The following MARK1 variants were observed in gnomAD, a reference collection of about 807,000 sequenced individuals.
The protein encoded by MARK1 is microtubule affinity regulating kinase 1.
In MARK1, 40 loss-of-function variants were observed where a neutral mutation model predicts 96.3. The ratio of observed to expected loss-of-function variants is 0.42; its 90% CI spans 0.32 to 0.54. MARK1 has a LOEUF of 0.54. MARK1 is among the 20% of genes least tolerant of loss of function. The probability of loss-of-function intolerance (pLI) is 0.16; values close to 1 mark genes in which losing one functional copy is unlikely to be tolerated. For synonymous variants in MARK1, 317 were observed against 341.2 expected (o/e 0.93, Z 0.78); for missense variants, 719 against 984.6 (o/e 0.73, Z 3.61).
chr1:220,643,989 A>G (rs1668434760), intron 13 of MARK1, among the ~76,000 whole-genome samples: 1 of 152,172 alleles, frequency 6.6e-6, no homozygotes, highest in African/African-American at 2.4e-5. Flanking sequence ...GACCGATGAC[A>G]CTATGAAGCA....
chr1:220,557,392 C>A (rs1338130265), intron 1 of MARK1, among the ~76,000 whole-genome samples: 1 of 151,920 alleles, frequency 6.6e-6, no homozygotes, highest in South Asian at 2.1e-4. Flanking sequence ...CATGGTGAAA[C>A]CCTGTCTCTG....
At chr1:220,649,464 A>G (rs2103048608) in intron 13 of MARK1, among the ~76,000 whole-genome samples, 1 of 152,196 alleles carries the variant, frequency 6.6e-6, no homozygotes, top group Admixed American at 6.5e-5. Flanking sequence ...CCTAGCCTCA[A>G]ATGATCTGCC....
intron 17 of MARK1, among the ~76,000 whole-genome samples, chr1:220,659,691 G>A (rs1486365489): frequency 6.6e-6 from 1 of 152,102 alleles, no homozygotes; most frequent in East Asian, 1.9e-4. Context: ...TTGTCTTAAG[G>A]TCATCTTAAG....
chr1:220,658,859 G>A (rs551165874), intron 17 of MARK1, among the ~76,000 whole-genome samples: 3 of 152,306 alleles, frequency 2.0e-5, no homozygotes, highest in African/African-American at 7.2e-5. Context: ...AGTCACCACA[G>A]TAGGGAGCCA....
chr1:220,582,934 A>G (rs891378362), intron 3 of MARK1, among the ~76,000 whole-genome samples: 3 of 152,184 alleles, frequency 2.0e-5, no homozygotes, highest in Non-Finnish European at 2.9e-5. Context: ...TTTTTGAGTG[A>G]TTTACATGTA....
At chr1:220,660,478 C>T (rs1270213333) in intron 17 of MARK1, among the ~76,000 whole-genome samples, 1 of 151,862 alleles carries the variant, frequency 6.6e-6, no homozygotes, top group African/African-American at 2.4e-5. Context: ...ACTATTGATA[C>T]AAAATGTATA....
At chr1:220,645,855 C>T (rs1308229006) in intron 13 of MARK1, among the ~76,000 whole-genome samples, 1 of 152,112 alleles carries the variant, frequency 6.6e-6, no homozygotes, top group Non-Finnish European at 1.5e-5. Context: ...AATTCAACAT[C>T]CCTTCATGTT....
chr1:220,565,157 C>A (rs1455190818), intron 1 of MARK1, among the ~76,000 whole-genome samples: 2 of 152,132 alleles, frequency 1.3e-5, no homozygotes, highest in Non-Finnish European at 2.9e-5. Context: ...GAAAAATGAG[C>A]AGAGCTTTAG....
chr1:220,623,993 T>C (rs534460874), intron 9 of MARK1, among the ~76,000 whole-genome samples: 1 of 152,312 alleles, frequency 6.6e-6, no homozygotes, highest in African/African-American at 2.4e-5. Flanking sequence ...AACACAACTT[T>C]AAATAGTTAA....
chr1:220,560,379 C>T (rs1398573115), intron 1 of MARK1, among the ~76,000 whole-genome samples: 1 of 152,158 alleles, frequency 6.6e-6, no homozygotes, highest in Non-Finnish European at 1.5e-5. Flanking sequence ...TAGATTTGTT[C>T]TTCCCATGGA....
At chr1:220,549,160 C>G (rs1392833774) in intron 1 of MARK1, among the ~76,000 whole-genome samples, 1 of 152,172 alleles carries the variant, frequency 6.6e-6, no homozygotes, top group Non-Finnish European at 1.5e-5. Flanking sequence ...TGGTTAAGAG[C>G]ACAAGCTTTG....
intron 9 of MARK1, among the ~76,000 whole-genome samples, chr1:220,620,754 T>C (rs1451185078): frequency 1.3e-5 from 2 of 152,124 alleles, no homozygotes; most frequent in Admixed American, 6.5e-5. Flanking sequence ...AGTCTGCAAC[T>C]TTCTGTTCCA....
chr1:220,586,017 G>GCGCGCGCC (rs1399851903), intron 3 of MARK1, among the ~76,000 whole-genome samples: 1 of 116,218 alleles, frequency 8.6e-6, no homozygotes, highest in African/African-American at 2.8e-5. Context: ...ACACACGCGC[G>GCGCGCGCC]CGTGCGCAGA....
At chr1:220,591,116 T>C (rs1259263537) in intron 3 of MARK1, among the ~76,000 whole-genome samples, 1 of 152,164 alleles carries the variant, frequency 6.6e-6, no homozygotes, top group Non-Finnish European at 1.5e-5. Flanking sequence ...GTCTGTTCTT[T>C]GTAGAACGGA....
chr1:220,631,905 G>A (rs1667700614), intron 10 of MARK1, among the ~76,000 whole-genome samples: 1 of 152,138 alleles, frequency 6.6e-6, no homozygotes. Flanking sequence ...AGACTGACAT[G>A]GTCTTAGACT....
chr1:220,613,401 G>A (rs1460657799), intron 6 of MARK1, among the ~76,000 whole-genome samples: 1 of 152,178 alleles, frequency 6.6e-6, no homozygotes, highest in Non-Finnish European at 1.5e-5. Flanking sequence ...TGAGGCTCAG[G>A]AAATGTTTGA....
At chr1:220,617,192 G>A (rs1177022091) in intron 7 of MARK1, among the ~76,000 whole-genome samples, 1 of 152,074 alleles carries the variant, frequency 6.6e-6, no homozygotes, top group Non-Finnish European at 1.5e-5. Flanking sequence ...CCAAATATAT[G>A]TGCTTTTATA....
chr1:220,659,768 T>G (rs574061107), intron 17 of MARK1, among the ~76,000 whole-genome samples: 9 of 152,276 alleles, frequency 5.9e-5, no homozygotes, highest in African/African-American at 2.2e-4. Context: ...TTCAACTCAT[T>G]AGCTCTATAA....
In MARK1 at chr1:220,528,593, T is replaced by G. The variant is rs1432200631; in HGVS notation, c.-230T>G. ...CTCGCCCGAAGCCCTCCCTCGTTAC[T>G]GTCCGCATACCCCGGCGGCGCCGCC... is the stretch of plus-strand genomic sequence containing the variant. On this transcript the variant is annotated 5_prime_UTR_variant, in exon 1 of 18. Transcript: ENST00000366917. 8.3e-6 allele frequency: 4 copies of G among 483,398 alleles called. No homozygotes were observed. In the African/African-American group the frequency reaches 8.3e-5, roughly 10 times the overall value. 29.9% of individuals were successfully genotyped at this position (483,398 alleles called of 1,614,324 possible).
Sources: gnomAD v4.1 joint callset for allele counts (sites outside exome capture counted in the v4.1 genomes callset) on GRCh38, gnomAD v4.1.1 for gene constraint, MANE v1.5 for transcripts, NCBI Gene and HGNC (gene_info 2026-07-23, HGNC 2026-07-21) for gene names.